Variants in RALA observed in about 807,000 individuals in gnomAD.
RALA encodes the protein RAS like proto-oncogene A.
RALA carries 5 observed loss-of-function variants against 24.0 expected under a neutral mutation model. The observed-to-expected ratio is 0.21, with a 90% confidence interval of 0.11 to 0.44. RALA has a LOEUF of 0.44. RALA is among the 20% of genes least tolerant of loss of function. RALA has a pLI of 0.99. For synonymous variants in RALA, 77 were observed against 83.8 expected (o/e 0.92, Z 0.44); for missense variants, 95 against 241.2 (o/e 0.39, Z 4.01).
chr7:39,636,780 C>T (rs921629163), intron 1 of RALA, among the ~76,000 whole-genome samples: 1 of 152,186 alleles, frequency 6.6e-6, no homozygotes, highest in Admixed American at 6.5e-5. Context: ...CCTCAGGAGA[C>T]TTACAATCAT....
At chr7:39,696,263 C>G (rs1033902539) in intron 3 of RALA, among the ~76,000 whole-genome samples, 11 of 152,182 alleles carry the variant, frequency 7.2e-5, no homozygotes, top group Non-Finnish European at 1.2e-4. Context: ...TCTAAATCTT[C>G]CTCCCAAGAA....
chr7:39,660,382 C>A (rs1792166790), intron 1 of RALA, among the ~76,000 whole-genome samples: 1 of 151,980 alleles, frequency 6.6e-6, no homozygotes, highest in African/African-American at 2.4e-5. Context: ...CACTTGTGAT[C>A]CATTTCTTTA....
chr7:39,624,726 C>CA (rs1429459931), intron 1 of RALA, among the ~76,000 whole-genome samples: 1 of 152,102 alleles, frequency 6.6e-6, no homozygotes, highest in Non-Finnish European at 1.5e-5. Flanking sequence ...CCCTACGTGT[C>CA]AAGCTGAAAA....
At chr7:39,655,397 C>T (rs547076885) in intron 1 of RALA, among the ~76,000 whole-genome samples, 1 of 152,210 alleles carries the variant, frequency 6.6e-6, no homozygotes, top group East Asian at 1.9e-4. Flanking sequence ...TTACAGAAAG[C>T]AGATCAGTGT....
chr7:39,674,964 C>G (rs1177390232), intron 1 of RALA, among the ~76,000 whole-genome samples: 1 of 151,682 alleles, frequency 6.6e-6, no homozygotes, highest in East Asian at 1.9e-4. Flanking sequence ...GCTGGGATTA[C>G]AGGCACACGC....
intron 1 of RALA, among the ~76,000 whole-genome samples, chr7:39,650,038 A>G (rs1791994394): frequency 6.6e-6 from 1 of 152,194 alleles, no homozygotes; most frequent in African/African-American, 2.4e-5. Context: ...GAGTTTGAGA[A>G]ATGAAGTAGG....
intron 1 of RALA, among the ~76,000 whole-genome samples, chr7:39,681,764 G>A (rs1299061219): frequency 2.6e-5 from 4 of 152,002 alleles, no homozygotes; most frequent in East Asian, 3.9e-4. Flanking sequence ...GTAAACTGAC[G>A]TGCAATTTTT....
chr7:39,664,782 TC>T (rs1302870625), intron 1 of RALA, among the ~76,000 whole-genome samples: 1 of 151,584 alleles, frequency 6.6e-6, no homozygotes, highest in African/African-American at 2.4e-5. Context: ...GTCAAGGAAA[TC>T]TTGAAAGAGT....
intron 1 of RALA, among the ~76,000 whole-genome samples, chr7:39,682,287 C>T (rs1339852050): frequency 2.0e-5 from 3 of 152,174 alleles, no homozygotes; most frequent in South Asian, 2.1e-4. Context: ...AGTAGTTATA[C>T]GGGAACTGGT....
At chr7:39,673,191 A>G (rs1210571701) in intron 1 of RALA, among the ~76,000 whole-genome samples, 1 of 151,866 alleles carries the variant, frequency 6.6e-6, no homozygotes, top group East Asian at 1.9e-4. Flanking sequence ...CTGTCTCAAA[A>G]AAAAGAGAGA....
intron 1 of RALA, among the ~76,000 whole-genome samples, chr7:39,674,316 A>G (rs1210420664): frequency 7.2e-5 from 11 of 152,120 alleles, no homozygotes; most frequent in Non-Finnish European, 1.2e-4. Context: ...TTTATGAACA[A>G]TTTTATCAAA....
At chr7:39,652,125 G>A (rs1459500837) in intron 1 of RALA, among the ~76,000 whole-genome samples, 3 of 152,278 alleles carry the variant, frequency 2.0e-5, no homozygotes, top group South Asian at 2.1e-4. Context: ...CTCTAGGGAG[G>A]AGGAATGTGG....
intron 4 of RALA, among the ~76,000 whole-genome samples, chr7:39,701,349 A>G (rs945053498): frequency 5.3e-5 from 8 of 152,174 alleles, no homozygotes; most frequent in Non-Finnish European, 8.8e-5. Flanking sequence ...TATCTCTACA[A>G]AAAATACAAA....
rs760597019 is a variant in RALA at position 39,661,081 on chromosome 7, G to A, written c.-37-25550G>A. 2.3e-4 allele frequency among the ~76,000 whole-genome samples: 35 copies of A among 152,252 alleles called. No homozygotes were observed. In the Middle Eastern group the frequency reaches 0.017, roughly 74 times the overall value. On this transcript the variant is annotated intron_variant, in intron 1 of 4. Coordinates refer to ENST00000005257, the MANE Select transcript of RALA (RefSeq NM_005402.4). ...AGAATGAGAGAGCCGAGCTAAAAGG[G>A]AAACTCCTTATAAAACAATCAGATC...
Position 39,690,543 on chromosome 7 carries a change from T to C in RALA, c.276T>C (p.Val92=). 6.2e-7 allele frequency: 1 copy of C among 1,613,936 alleles called. No homozygotes were observed. The highest frequency in any genetic ancestry group is 8.5e-7 in the Non-Finnish European group (1 of 1,179,910). ...YFRSGEGFLC[V]FSITEMESFA... ...GAAGTGGGGAGGGGTTCCTCTGTGT[T>C]TTCTCTATTACAGAAATGGAATCCT... The change falls in exon 3 of 5, where the codon GTT becomes GTC. Residue 92 remains valine, a synonymous_variant. Coordinates refer to ENST00000005257, the MANE Select transcript of RALA (RefSeq NM_005402.4).
intron 1 of RALA, among the ~76,000 whole-genome samples, chr7:39,659,221 G>T (rs1394549914): frequency 1.3e-5 from 2 of 152,146 alleles, no homozygotes; most frequent in Non-Finnish European, 2.9e-5. Context: ...CAAGGCTGCA[G>T]TGAGCTGAGA....
intron 1 of RALA, among the ~76,000 whole-genome samples, chr7:39,637,869 T>C (rs1206268056): frequency 2.0e-5 from 3 of 152,198 alleles, no homozygotes; most frequent in Non-Finnish European, 4.4e-5. Flanking sequence ...TATTTATTGA[T>C]TGATTTTTGA....
intron 4 of RALA, among the ~76,000 whole-genome samples, chr7:39,701,578 T>G (rs1310083298): frequency 6.6e-6 from 1 of 152,206 alleles, no homozygotes; most frequent in Non-Finnish European, 1.5e-5. Flanking sequence ...CATCCACTAC[T>G]AGAAGCCTGA....
At chr7:39,692,379 A>G (rs1055626427) in intron 3 of RALA, among the ~76,000 whole-genome samples, 9 of 152,208 alleles carry the variant, frequency 5.9e-5, no homozygotes, top group African/African-American at 1.9e-4. Context: ...TAGTAAGTAC[A>G]TGTTTAGTAA....
Sources: gnomAD v4.1 joint callset for allele counts (sites outside exome capture counted in the v4.1 genomes callset) on GRCh38, gnomAD v4.1.1 for gene constraint, MANE v1.5 for transcripts, NCBI Gene and HGNC (gene_info 2026-07-23, HGNC 2026-07-21) for gene names.